The following PIP5K1C variants were observed in gnomAD, a reference collection of about 807,000 sequenced individuals.
PIP5K1C encodes phosphatidylinositol 4-phosphate 5-kinase type-1 gamma.
A neutral mutation model predicts 80.1 loss-of-function variants in PIP5K1C; 45 were observed. That is an observed-to-expected ratio of 0.56 (90% CI 0.44 to 0.72). The LOEUF is 0.72. Ranked by LOEUF, PIP5K1C falls within the 30% of genes least tolerant of loss-of-function variation. The pLI is 0.00. For synonymous variants in PIP5K1C, 498 were observed against 420.1 expected, an observed-to-expected ratio of 1.19 and a Z score of -2.27; for missense variants, 753 against 954.6, an observed-to-expected ratio of 0.79 and a Z score of 2.78.
At chr19:3,640,931 C>T (rs932637976) in intron 15 of PIP5K1C, among the ~76,000 whole-genome samples, 2 of 152,146 alleles carry the variant, frequency 1.3e-5, no homozygotes, top group Admixed American at 1.3e-4. Context: ...TCGTGATCCG[C>T]CTGCCTCAGC....
At chr19:3,663,553 C>A (rs756553902) in intron 3 of PIP5K1C, among the ~76,000 whole-genome samples, 12 of 152,232 alleles carry the variant, frequency 7.9e-5, no homozygotes, top group Non-Finnish European at 1.6e-4. Context: ...GGGCCACGCA[C>A]CTGGAATCCC....
At chr19:3,638,150 C>G (rs2033785748) in intron 16 of PIP5K1C, 4 of 1,084,136 alleles carry the variant, frequency 3.7e-6, no homozygotes, top group Non-Finnish European at 3.8e-6. Context: ...GCTGCAGCCT[C>G]CGGCCCTCCC....
At chr19:3,658,411 T>C (rs1454699432) in intron 5 of PIP5K1C, among the ~76,000 whole-genome samples, 1 of 152,196 alleles carries the variant, frequency 6.6e-6, no homozygotes, top group Non-Finnish European at 1.5e-5. Context: ...GCCATCTGCC[T>C]GCCTTTTTCT....
Position 3,660,969 on chromosome 19 carries a change from G to A in PIP5K1C, c.465C>T (p.Tyr155=), listed in dbSNP as rs752689963. ...CCGTAACAGCAAATATGCTTACCAAGTAATCATCTGGCCGGATCCCAAAGA... is the reference window on the plus strand; with the variant it reads ...CCGTAACAGCAAATATGCTTACCAAATAATCATCTGGCCGGATCCCAAAGA... ...RELFGIRPDD[Y]LYSLCNEPLI... Residue 155 remains tyrosine, a synonymous_variant, in exon 5 of 18, where the codon TAC becomes TAT. Transcript: ENST00000335312. 1.2e-6 allele frequency: 2 copies of A among 1,611,276 alleles called. No individual in the cohort carries two copies. Among genetic ancestry groups the A allele is most frequent in the Middle Eastern group, 1.7e-4 (1 of 6,050 alleles).
chr19:3,694,015 C>A (rs1382152552), intron 1 of PIP5K1C, among the ~76,000 whole-genome samples: 3 of 152,132 alleles, frequency 2.0e-5, no homozygotes, highest in Admixed American at 2.0e-4. Flanking sequence ...GATCAACACC[C>A]TCCTGGCTAA....
intron 1 of PIP5K1C, among the ~76,000 whole-genome samples, chr19:3,672,230 C>T (rs933717092): frequency 2.0e-5 from 3 of 152,262 alleles, no homozygotes; most frequent in South Asian, 2.1e-4. Context: ...CCATTCTCCA[C>T]GGGGCCACAT....
At position 3,639,330 on chromosome 19, in the gene PIP5K1C, G is replaced by A. The variant is rs1047751935; in HGVS notation, c.1788-314C>T. 2.6e-5 allele frequency among the ~76,000 whole-genome samples: 4 copies of A among 152,144 alleles called. No homozygotes were observed. In the South Asian group the frequency reaches 6.2e-4, roughly 24 times the overall value. On this transcript the variant is annotated intron_variant, in intron 15 of 17. Transcript: ENST00000335312. ...TGCTGGCCTCACCCTCACCGGCTGT[G>A]CCACCCTGGGAGGGCCTGTTCCTCC...
intron 1 of PIP5K1C, among the ~76,000 whole-genome samples, chr19:3,694,794 C>T (rs1488180720): frequency 6.6e-6 from 1 of 152,264 alleles, no homozygotes; most frequent in East Asian, 1.9e-4. Context: ...AGTCACCTCC[C>T]TCCGAGTCCT....
chr19:3,654,409 C>A (rs764351492), intron 6 of PIP5K1C, among the ~76,000 whole-genome samples: 3 of 152,230 alleles, frequency 2.0e-5, no homozygotes, highest in Non-Finnish European at 4.4e-5. Context: ...GAGTGAGGGG[C>A]GCGGACTCAG....
intron 6 of PIP5K1C, among the ~76,000 whole-genome samples, chr19:3,655,475 G>A (rs187988941): frequency 2.4e-4 from 36 of 152,314 alleles, no homozygotes; most frequent in Admixed American, 2.2e-3. Flanking sequence ...TTGATGACAC[G>A]TGAAAGTGAT....
Position 3,653,521 on chromosome 19 carries a change from GCC to G in PIP5K1C, c.688_689del (p.Gly230GlnfsTer114), listed in dbSNP as rs764308612. 1.8e-5 allele frequency: 29 copies of G among 1,613,786 alleles called. No individual in the cohort carries two copies. Among genetic ancestry groups the G allele is most frequent in the East Asian group, 4.5e-5 (2 of 44,876 alleles). On this transcript the variant is annotated frameshift_variant, in exon 7 of 18. Transcript: ENST00000335312. LOFTEE classifies it high-confidence loss of function. ...TCATGACCACGACGCGGATGTTCTT[GCC>G]CCCCGACTGCACGCAGTACAGCCCA... Reference protein sequence around the residue: ...FYGLYCVQSGGKNIRVVVMNN... With the variant: ...FYGLYCVQSGXKNIRVVVMNN...
intron 1 of PIP5K1C, among the ~76,000 whole-genome samples, chr19:3,679,699 C>T (rs935392750): frequency 5.3e-5 from 8 of 152,160 alleles, no homozygotes; most frequent in Non-Finnish European, 1.5e-5. Context: ...TGGGCTCAGG[C>T]ACACAGTGAG....
At position 3,638,867 on chromosome 19, in the gene PIP5K1C, G is replaced by C; in HGVS notation, c.1920+17C>G. 1 of 1,613,006 alleles carries C rather than the reference G, an allele frequency of 6.2e-7. No homozygotes were observed. The highest frequency in any genetic ancestry group is 8.5e-7 in the Non-Finnish European group (1 of 1,179,920). ...CCGGTTGACGAGCCGGCGGCAGGAGGAGCCCGGGGCACTTACAAAGTAGAT... is the reference window on the plus strand; with the variant it reads ...CCGGTTGACGAGCCGGCGGCAGGAGCAGCCCGGGGCACTTACAAAGTAGAT... On this transcript the variant is annotated intron_variant, in intron 16 of 17. Coordinates refer to ENST00000335312, the MANE Select transcript of PIP5K1C (RefSeq NM_012398.3).
At position 3,646,095 on chromosome 19, in the gene PIP5K1C, G is replaced by A. The variant is rs747522525; in HGVS notation, c.1261-37C>T. 9 of 1,357,646 alleles carry A rather than the reference G, an allele frequency of 6.6e-6. No homozygotes were observed. The Admixed American group carries it at 1.5e-4, about 23-fold the overall frequency. 84.1% of individuals were successfully genotyped at this position (1,357,646 alleles called of 1,614,324 possible). A position where few individuals can be genotyped will look rare whatever the true frequency, so the allele number is the denominator to read the frequency against. On this transcript the variant is annotated intron_variant, in intron 10 of 17. Coordinates refer to ENST00000335312, the MANE Select transcript of PIP5K1C (RefSeq NM_012398.3). ...TTGGGGGGGGTGCCCGGGGGCAGAG[G>A]GTGCATCAATCAACAGCTGGGGACA... is the stretch of plus-strand genomic sequence containing the variant.
At chr19:3,633,542 A>G in intron 16 of PIP5K1C, 22 bp from the exon 17 acceptor site, 2 of 1,469,284 alleles carry the variant, frequency 1.4e-6, no homozygotes, top group Non-Finnish European at 9.1e-7. Flanking sequence ...GCGCGCGTGC[A>G]GGAGGGCGCG....
At chr19:3,681,029 G>C (rs1568353009) in intron 1 of PIP5K1C, among the ~76,000 whole-genome samples, 1 of 152,276 alleles carries the variant, frequency 6.6e-6, no homozygotes. Context: ...GTGCTGAGAG[G>C]CAGAGACCCT....
Position 3,648,186 on chromosome 19 carries a change from C to A in PIP5K1C, c.1211+439G>T, listed in dbSNP as rs2034308192. Among the ~76,000 whole-genome samples the A allele has an allele frequency of 6.6e-6, 1 of 151,704 alleles. No individual in the cohort carries two copies. The highest frequency in any genetic ancestry group is 6.6e-5 in the Admixed American group (1 of 15,228). ...ACTGCAGGAGCACCACCACGCTCAG[C>A]TAATTTTTTGATATTTTGTAGAGAT... is the stretch of plus-strand genomic sequence containing the variant. On this transcript the variant is annotated intron_variant, in intron 9 of 17. Transcript: ENST00000335312. This position sits in a 1 kb window ranked among gnomAD's most constrained non-coding sequence, Gnocchi z 4.3.
In PIP5K1C at chr19:3,696,776, G is replaced by T. The variant is rs1478151974; in HGVS notation, c.94+3521C>A. Among the ~76,000 whole-genome samples, 1 of 152,048 alleles carries T rather than the reference G, an allele frequency of 6.6e-6. No homozygotes were observed. The highest frequency in any genetic ancestry group is 1.5e-5 in the Non-Finnish European group (1 of 67,976). The stretch of plus-strand genomic sequence containing the variant: ...GCAGGGAGGGCCCGGGGCAGGCTGT[G>T]CAGGGCCTGATGGGCTTCAAAGAGG... On this transcript the variant is annotated intron_variant, in intron 1 of 17. Coordinates refer to ENST00000335312, the MANE Select transcript of PIP5K1C (RefSeq NM_012398.3). This position sits in a 1 kb window ranked among gnomAD's most constrained non-coding sequence, Gnocchi z 4.1.
chr19:3,678,152 A>C (rs529316614), intron 1 of PIP5K1C, among the ~76,000 whole-genome samples: 1 of 115,880 alleles, frequency 8.6e-6, no homozygotes, highest in East Asian at 3.3e-4. Flanking sequence ...AGGATAGAAA[A>C]TGGAGGGATG....
Sources: allele counts gnomAD v4.1 joint callset (sites outside exome capture counted in the v4.1 genomes callset), GRCh38; gene constraint gnomAD v4.1.1; non-coding constraint Gnocchi (gnomAD v3.1); transcripts MANE v1.5; gene names NCBI Gene and HGNC (gene_info 2026-07-23, HGNC 2026-07-21).